PKD2L1: variants seen among roughly 807,000 people sequenced by gnomAD.
PKD2L1 encodes polycystin 2 like 1, transient receptor potential cation channel, also known as polycystin-2-like protein 1.
PKD2L1 carries 77 observed loss-of-function variants against 93.0 expected under a neutral mutation model. The observed-to-expected ratio is 0.83, with a 90% CI of 0.69 to 1.00. PKD2L1 has a LOEUF of 1.00. PKD2L1 is among the 50% of genes least tolerant of loss of function. PKD2L1 has a pLI of 0.00. For synonymous variants in PKD2L1, 390 were observed against 388.0 expected (o/e 1.01, Z -0.06); for missense variants, 977 against 990.9 (o/e 0.99, Z 0.19).
At position 100,314,992 on chromosome 10, in the gene PKD2L1, AAGGAAGGAAGGAAGGAAGG is replaced by A. The variant is rs1481803550; in HGVS notation, c.349+14200_349+14218del. On this transcript the variant is annotated intron_variant, in intron 2 of 15. Transcript: ENST00000318222. ...GAAGGAAGGAAGGAAGGAAGGAAGG[AAGGAAGGAAGGAAGGAAGG>A]AAGGGAAGGGAAGGGAAGGGAAGGG... Among the ~76,000 whole-genome samples the A allele has an allele frequency of 6.6e-3, 85 of 12,908 alleles. 3 individuals carry two copies. The highest frequency in any genetic ancestry group is 0.022 in the African/African-American group (44 of 1,986). 8.5% of individuals were successfully genotyped at this position (12,908 alleles called of 152,430 possible).
chr10:100,318,017 T>A (rs1485442143), intron 2 of PKD2L1, among the ~76,000 whole-genome samples: 5 of 151,206 alleles, frequency 3.3e-5, no homozygotes, highest in Non-Finnish European at 5.9e-5. Context: ...GAGGCGGAGG[T>A]CGCAGTGAGC....
At chr10:100,291,842 G>A (rs1848413567) in intron 11 of PKD2L1, among the ~76,000 whole-genome samples, 1 of 152,020 alleles carries the variant, frequency 6.6e-6, no homozygotes, top group Admixed American at 6.6e-5. Context: ...TGGTAGTGTG[G>A]CCTTTCTCAG....
At chr10:100,318,914 C>T (rs1449280751) in intron 2 of PKD2L1, among the ~76,000 whole-genome samples, 2 of 150,738 alleles carry the variant, frequency 1.3e-5, no homozygotes, top group South Asian at 2.1e-4. Flanking sequence ...GGCGTGATCT[C>T]GGCTCACTGC....
At position 100,288,941 on chromosome 10, in the gene PKD2L1, G is replaced by A. The variant is rs764290857; in HGVS notation, c.2335+31C>T. Reference sequence around the variant, plus strand: ...TGCGGAGGCAGAGGGAGGGAAGCCTGCTGTCTGATGCTTTAGGCCCCCTTC... The same window carrying A: ...TGCGGAGGCAGAGGGAGGGAAGCCTACTGTCTGATGCTTTAGGCCCCCTTC... On this transcript the variant is annotated intron_variant, in intron 15 of 15. Transcript: ENST00000318222. The A allele has an allele frequency of 3.5e-6, 5 of 1,442,280 alleles. No individual in the cohort carries two copies. The East Asian group carries it at 1.2e-4, about 33-fold the overall frequency. 89.3% of individuals were successfully genotyped at this position (1,442,280 alleles called of 1,614,324 possible).
rs777550249 is a variant in PKD2L1, at chr10:100,296,195, A to G, written c.1283T>C (p.Phe428Ser). Residue 428 changes from phenylalanine (F) to serine (S), a missense_variant, in exon 7 of 16, where the codon TTT becomes TCT. Physicochemically the swap from Phe to Ser is radical, Grantham distance 155. Coordinates refer to ENST00000318222, the MANE Select transcript of PKD2L1 (RefSeq NM_016112.3). The stretch of plus-strand genomic sequence containing the variant: ...TGTCTGCCAGAAGGCGAGGAACTCA[A>G]AGTCTGCATACGTGTTTGGCTGCTG... ...LLQQPNTYAD[F>S]EFLAFWQTQY... 6.2e-7 allele frequency: 1 copy of G among 1,612,662 alleles called. No homozygotes were observed. The highest frequency in any genetic ancestry group is 1.7e-5 in the Admixed American group (1 of 59,812).
intron 2 of PKD2L1, among the ~76,000 whole-genome samples, chr10:100,321,536 T>C (rs1213776633): frequency 6.9e-6 from 1 of 145,868 alleles, no homozygotes; most frequent in Non-Finnish European, 1.5e-5. Flanking sequence ...TAGCAGGGTG[T>C]GGTGGTGTGT....
intron 6 of PKD2L1, 101 bp downstream of exon 6, chr10:100,296,879 G>A: frequency 1.4e-6 from 1 of 706,042 alleles, no homozygotes; most frequent in South Asian, 1.8e-5. Flanking sequence ...AAAGTCAGAA[G>A]GAGGGCTTAG....
rs543043472 is a variant in PKD2L1, at chr10:100,329,756, C to T, written c.235+113G>A. 28 of 744,102 alleles carry T rather than the reference C, an allele frequency of 3.8e-5. 1 individual carries two copies. The South Asian group carries it at 4.5e-4, about 12-fold the overall frequency. The allele number at this position is 744,102 out of a possible 1,614,324, so 46.1% of individuals were successfully genotyped here. ...GCAATTCATACACCCCAAAGTGACACCGAAAGGTCACCTCTTCTTCAGATC... is the reference window on the plus strand; with the variant it reads ...GCAATTCATACACCCCAAAGTGACATCGAAAGGTCACCTCTTCTTCAGATC... On this transcript the variant is annotated intron_variant, in intron 1 of 15. Coordinates refer to ENST00000318222, the MANE Select transcript of PKD2L1 (RefSeq NM_016112.3).
In PKD2L1 at chr10:100,288,473, G is replaced by A. The variant is rs763136349; in HGVS notation, c.2341C>T (p.Pro781Ser). ...AAGGCTTCCTCTTCTCTTTTATAGGGAACCTCTGTGGGGGAAAACGAGAAA... is the reference window on the plus strand; with the variant it reads ...AAGGCTTCCTCTTCTCTTTTATAGGAAACCTCTGTGGGGGAAAACGAGAAA... Reference protein sequence around the residue: ...GVQGGQESEVPYKREEEALEE... With the variant: ...GVQGGQESEVSYKREEEALEE... The change falls in exon 16 of 16, where the codon CCC becomes TCC. Residue 781 changes from proline to serine, a missense_variant. Coordinates refer to ENST00000318222, the MANE Select transcript of PKD2L1 (RefSeq NM_016112.3). 3.1e-6 allele frequency: 5 copies of A among 1,603,938 alleles called. No homozygotes were observed. In the South Asian group the frequency reaches 5.5e-5, roughly 18 times the overall value.
intron 2 of PKD2L1, among the ~76,000 whole-genome samples, chr10:100,300,782 G>A (rs141035286): frequency 3.3e-5 from 5 of 152,160 alleles, no homozygotes; most frequent in East Asian, 1.9e-4. Context: ...TAATTAATAC[G>A]TGTTTTTGTG....
Position 100,294,953 on chromosome 10 carries a change from GA to G in PKD2L1, c.1526del (p.Phe509SerfsTer11), listed in dbSNP as rs780153473. 2.5e-6 allele frequency: 4 copies of G among 1,613,296 alleles called. No homozygotes were observed. The South Asian group carries it at 4.4e-5, about 18-fold the overall frequency. On this transcript the variant is annotated frameshift_variant, in exon 8 of 16. Coordinates refer to ENST00000318222, the MANE Select transcript of PKD2L1 (RefSeq NM_016112.3). LOFTEE classifies it high-confidence loss of function. ...FGTQVENFST[F>X]IKCIFTQFRI... is the part of the protein sequence containing the mutation. ...GACAGGACACACACATGCACTTGATGAAAGTGCTAAAGTTTTCCACTTGGGT... is the reference window on the plus strand; with the variant it reads ...GACAGGACACACACATGCACTTGATGAAGTGCTAAAGTTTTCCACTTGGGT...
At chr10:100,329,573 C>T (rs556664455) in intron 1 of PKD2L1, among the ~76,000 whole-genome samples, 1 of 152,298 alleles carries the variant, frequency 6.6e-6, no homozygotes, top group South Asian at 2.1e-4. Context: ...GCACCTGTTC[C>T]AGGTGGGGTA....
At chr10:100,290,601 G>C in intron 12 of PKD2L1, 82 bp from the exon 13 acceptor site, 1 of 834,474 alleles carries the variant, frequency 1.2e-6, no homozygotes, top group Non-Finnish European at 2.0e-6. Context: ...ACTCTACTGG[G>C]ATCTCAGGAC....
intron 2 of PKD2L1, among the ~76,000 whole-genome samples, chr10:100,301,469 A>G (rs1324791986): frequency 6.8e-6 from 1 of 147,116 alleles, no homozygotes; most frequent in Non-Finnish European, 1.5e-5. Flanking sequence ...CCCCCCGGGA[A>G]TGCATTCTTT....
chr10:100,290,082 A>G lies in PKD2L1; in HGVS notation c.2183T>C (p.Ile728Thr), dbSNP rs758389106. 4.3e-6 allele frequency: 7 copies of G among 1,614,110 alleles called. No homozygotes were observed. The highest frequency in any genetic ancestry group is 1.3e-5 in the African/African-American group (1 of 75,026). ...TTTCAGCTTTGAGCCTACAGCATCA[A>G]TCTGGGACACTACTCCTTCCAGGAC... ...ETVLEGVVSQ[I>T]DAVGSKLKML... is the part of the protein sequence containing the mutation. Residue 728 changes from isoleucine (I) to threonine (T), a missense_variant, in exon 14 of 16, where the codon ATT (isoleucine) becomes ACT (threonine). Ile to Thr is a moderately conservative substitution (Grantham distance 89). Coordinates refer to ENST00000318222, the MANE Select transcript of PKD2L1 (RefSeq NM_016112.3).
intron 2 of PKD2L1, among the ~76,000 whole-genome samples, chr10:100,318,553 CTGT>C (rs1849154192): frequency 6.8e-6 from 1 of 147,924 alleles, no homozygotes; most frequent in African/African-American, 2.5e-5. Flanking sequence ...GAATCTTGCT[CTGT>C]CACCCAGGTT....
Position 100,316,020 on chromosome 10 carries a change from A to C in PKD2L1, c.349+13191T>G, listed in dbSNP as rs192551509. 2.6e-5 allele frequency among the ~76,000 whole-genome samples: 4 copies of C among 152,292 alleles called. No homozygotes were observed. The East Asian group carries it at 7.7e-4, about 29-fold the overall frequency. On this transcript the variant is annotated intron_variant, in intron 2 of 15. Transcript: ENST00000318222. ...AATGGTACCTGTCTCTGGGACCTTC[A>C]AGATTTCCCAGCTCTCCCTGACCAC...
At chr10:100,296,746 AAAAC>A (rs1271610115) in intron 6 of PKD2L1, among the ~76,000 whole-genome samples, 2 of 152,068 alleles carry the variant, frequency 1.3e-5, no homozygotes, top group Non-Finnish European at 2.9e-5. Flanking sequence ...CTAAAAAAAA[AAAAC>A]ACAGGGCTCA....
intron 7 of PKD2L1, among the ~76,000 whole-genome samples, chr10:100,295,459 C>T (rs1376674): frequency 0.11 from 16,184 of 146,400 alleles, 914 homozygotes; most frequent in Admixed American, 0.14. Context: ...AAGCCAGGCA[C>T]GGCAGTTCAC....
Sources: allele counts gnomAD v4.1 joint callset (sites outside exome capture counted in the v4.1 genomes callset), GRCh38; gene constraint gnomAD v4.1.1; transcripts MANE v1.5; gene names NCBI Gene and HGNC (gene_info 2026-07-23, HGNC 2026-07-21).